The following RHOH variants were observed in gnomAD, a reference collection of about 807,000 sequenced individuals.
RHOH encodes ras homolog family member H, also known as rho-related GTP-binding protein RhoH.
Under a neutral mutation model 13.8 loss-of-function variants are expected in RHOH, and 6 were observed. The observed-to-expected ratio is 0.44, with a 90% CI of 0.24 to 0.86. The LOEUF (loss-of-function observed/expected upper bound fraction) is 0.86, where lower values mean the gene tolerates loss of function less well. Ranked by LOEUF, RHOH falls within the 40% of genes least tolerant of loss-of-function variation. The pLI, the probability that RHOH is intolerant of heterozygous loss-of-function variation, is 0.24. For synonymous variants in RHOH, 117 were observed against 103.0 expected (o/e 1.14, Z -0.82); for missense variants, 147 against 244.5 (o/e 0.60, Z 2.66).
intron 1 of RHOH, among the ~76,000 whole-genome samples, chr4:40,219,600 A>T (rs2109444527): frequency 2.6e-5 from 4 of 152,264 alleles, no homozygotes; most frequent in Admixed American, 2.6e-4. Context: ...TACTTTTAAA[A>T]TGTTACTATA....
intron 1 of RHOH, among the ~76,000 whole-genome samples, chr4:40,219,867 A>T (rs1726336167): frequency 6.6e-6 from 1 of 152,184 alleles, no homozygotes. Context: ...GCAGCAAAGT[A>T]GTATGCTGTT....
chr4:40,193,388 A>G (rs1722804237), upstream of RHOH, among the ~76,000 whole-genome samples: 1 of 151,680 alleles, frequency 6.6e-6, no homozygotes, highest in South Asian at 2.1e-4. Flanking sequence ...GGGTGCGTGT[A>G]TGTCTGTGAA....
intron 1 of RHOH, among the ~76,000 whole-genome samples, chr4:40,228,274 A>G (rs953949925): frequency 3.3e-5 from 5 of 152,042 alleles, no homozygotes; most frequent in Admixed American, 3.3e-4. Flanking sequence ...TGAATAAAAA[A>G]CCCCAGAAAA....
chr4:40,197,887 A>G (rs541922377), intron 1 of RHOH, among the ~76,000 whole-genome samples: 1 of 152,320 alleles, frequency 6.6e-6, no homozygotes, highest in East Asian at 1.9e-4. Context: ...ACCAGTCAGT[A>G]GCCTGAGTTG....
Position 40,241,610 on chromosome 4 carries a change from C to A in RHOH, c.-330-1104C>A, listed in dbSNP as rs547304353. Among the ~76,000 whole-genome samples the A allele has an allele frequency of 3.3e-5, 5 of 152,302 alleles. No individual in the cohort carries two copies. In the South Asian group the frequency reaches 8.3e-4, roughly 25 times the overall value. On this transcript the variant is annotated intron_variant, in intron 1 of 2. Coordinates refer to ENST00000381799, the MANE Select transcript of RHOH (RefSeq NM_004310.5). ...GACGAGGATAAAAATGTCTTGGCAG[C>A]CGGACGCGGTGGCTCACACCTGTAA... is the stretch of plus-strand genomic sequence containing the variant.
upstream of RHOH, among the ~76,000 whole-genome samples, chr4:40,194,786 T>G (rs557808688): frequency 3.9e-5 from 6 of 152,142 alleles, no homozygotes; most frequent in South Asian, 1.0e-3. Context: ...CACCCTGGAG[T>G]TGCTTTTAGT....
chr4:40,226,630 A>T (rs1232279842), intron 1 of RHOH, among the ~76,000 whole-genome samples: 1 of 152,092 alleles, frequency 6.6e-6, no homozygotes, highest in Non-Finnish European at 1.5e-5. Context: ...AGCCTTACAC[A>T]CTGAAACTAA....
Position 40,219,410 on chromosome 4 carries a change from C to CAAA in RHOH, c.-331+22127_-331+22129dup, listed in dbSNP as rs35585203. ...TTGGGGACAGAGTGAGACTCCATCT[C>CAAA]AAAAAAAAAAAAAAAAAAAGTGTGT... On this transcript the variant is annotated intron_variant, in intron 1 of 2. Transcript: ENST00000381799. 2.8e-4 allele frequency among the ~76,000 whole-genome samples: 26 copies of CAAA among 92,612 alleles called. 1 individual carries two copies. The highest frequency in any genetic ancestry group is 1.1e-3 in the African/African-American group (24 of 21,758). The allele number at this position is 92,612 out of a possible 152,430, so 60.8% of individuals were successfully genotyped here. A position where few individuals can be genotyped will look rare whatever the true frequency, so the allele number is the denominator to read the frequency against.
At chr4:40,230,409 C>T (rs1264455385) in intron 1 of RHOH, among the ~76,000 whole-genome samples, 1 of 152,042 alleles carries the variant, frequency 6.6e-6, no homozygotes, top group Non-Finnish European at 1.5e-5. Context: ...CAGCTCACTG[C>T]AGCCTCTGCC....
chr4:40,242,421 A>G (rs1430219341), intron 1 of RHOH, among the ~76,000 whole-genome samples: 1 of 152,220 alleles, frequency 6.6e-6, no homozygotes, highest in Admixed American at 6.5e-5. Context: ...ATTTATCACA[A>G]TCTTGCAGAT....
At chr4:40,210,802 C>G (rs746044647) in intron 1 of RHOH, among the ~76,000 whole-genome samples, 5 of 152,002 alleles carry the variant, frequency 3.3e-5, no homozygotes, top group Non-Finnish European at 5.9e-5. Flanking sequence ...GTATAAAGCA[C>G]AGTTATACAT....
At chr4:40,196,708 T>C (rs539256159), upstream of RHOH, among the ~76,000 whole-genome samples, 2 of 151,512 alleles carry the variant, frequency 1.3e-5, no homozygotes, top group African/African-American at 2.4e-5. Context: ...TTTTTTTTTT[T>C]TTTGGTAATT....
intron 1 of RHOH, among the ~76,000 whole-genome samples, chr4:40,219,536 C>T (rs1183595866): frequency 1.3e-5 from 2 of 151,732 alleles, no homozygotes; most frequent in African/African-American, 4.8e-5. Context: ...CTGATGGTTG[C>T]GTCTGGGAAA....
chr4:40,210,827 G>A (rs1470832141), intron 1 of RHOH, among the ~76,000 whole-genome samples: 1 of 152,144 alleles, frequency 6.6e-6, no homozygotes, highest in African/African-American at 2.4e-5. Flanking sequence ...CATATATGCA[G>A]ACATATAATT....
At chr4:40,230,434 G>A (rs1276393560) in intron 1 of RHOH, among the ~76,000 whole-genome samples, 3 of 151,956 alleles carry the variant, frequency 2.0e-5, no homozygotes, top group Admixed American at 6.6e-5. Context: ...AGGTTCAAGC[G>A]ATTTTCCTGA....
chr4:40,195,390 C>T (rs1359334692), upstream of RHOH, among the ~76,000 whole-genome samples: 1 of 136,694 alleles, frequency 7.3e-6, no homozygotes, highest in Non-Finnish European at 1.6e-5. Flanking sequence ...TCCTTCCTTC[C>T]TTCCTTCCTT....
chr4:40,223,706 A>G (rs7697190), intron 1 of RHOH, among the ~76,000 whole-genome samples: 17,371 of 151,344 alleles, frequency 0.11, 1,040 homozygotes, highest in South Asian at 0.18. Context: ...TTAAGCAATA[A>G]AATATTTTTA....
At chr4:40,193,165 C>CT (rs1232107446), upstream of RHOH, 1 of 152,542 alleles carries the variant, frequency 6.6e-6, no homozygotes, top group East Asian at 1.9e-4. Flanking sequence ...CTATGGAGCC[C>CT]TTGGGAGGGC....
At chr4:40,192,135 C>T (rs1175733446), upstream of RHOH, among the ~76,000 whole-genome samples, 1 of 152,094 alleles carries the variant, frequency 6.6e-6, no homozygotes, top group South Asian at 2.1e-4. Flanking sequence ...ATCTCTCAAT[C>T]AGAAAGAAAG....
Sources: gnomAD v4.1 joint callset for allele counts (sites outside exome capture counted in the v4.1 genomes callset) on GRCh38, gnomAD v4.1.1 for gene constraint, MANE v1.5 for transcripts, NCBI Gene and HGNC (gene_info 2026-07-23, HGNC 2026-07-21) for gene names.